Variants in ANKS1B observed in about 807,000 individuals in gnomAD.
ANKS1B encodes the protein ankyrin repeat and sterile alpha motif domain containing 1B.
Under a neutral mutation model 148.3 loss-of-function variants are expected in ANKS1B, and 36 were observed. The ratio of observed to expected loss-of-function variants is 0.24; its 90% CI spans 0.19 to 0.32. The LOEUF (loss-of-function observed/expected upper bound fraction) is 0.32. ANKS1B is among the 10% of genes least tolerant of loss of function. The pLI is 1.00. For missense variants in ANKS1B, 1,157 were observed against 1,542.6 expected (o/e 0.75, Z 4.19); for synonymous variants, 542 against 560.8 (o/e 0.97, Z 0.47).
At chr12:99,879,910 A>T (rs2092369931) in intron 1 of ANKS1B, among the ~76,000 whole-genome samples, 2 of 152,190 alleles carry the variant, frequency 1.3e-5, no homozygotes, top group Admixed American at 1.3e-4. Context: ...CAGATCATGC[A>T]CGACCAGATT....
intron 17 of ANKS1B, among the ~76,000 whole-genome samples, chr12:98,891,405 T>C (rs1256710444): frequency 6.6e-6 from 1 of 152,140 alleles, no homozygotes; most frequent in African/African-American, 2.4e-5. Flanking sequence ...TAATCATATA[T>C]TTGACTTCTA....
chr12:99,937,642 A>G (rs919169899), intron 1 of ANKS1B, among the ~76,000 whole-genome samples: 1 of 152,178 alleles, frequency 6.6e-6, no homozygotes, highest in Non-Finnish European at 1.5e-5. Flanking sequence ...CAAATCTTCA[A>G]ACAGCTATCA....
chr12:99,345,286 A>G (rs2090508673), intron 12 of ANKS1B, among the ~76,000 whole-genome samples: 2 of 152,042 alleles, frequency 1.3e-5, no homozygotes, highest in African/African-American at 4.8e-5. Flanking sequence ...CTTTCTTTGC[A>G]GCCCTCTCTA....
chr12:99,112,201 G>C (rs1209352898), intron 15 of ANKS1B, among the ~76,000 whole-genome samples: 1 of 151,966 alleles, frequency 6.6e-6, no homozygotes, highest in Non-Finnish European at 1.5e-5. Context: ...GAGGCTTCTG[G>C]CATCAGAATC....
chr12:99,612,337 C>G (rs2097909828), intron 9 of ANKS1B, among the ~76,000 whole-genome samples: 1 of 152,128 alleles, frequency 6.6e-6, no homozygotes, highest in Non-Finnish European at 1.5e-5. Context: ...GCTAACACAT[C>G]TAATGCTCAC....
intron 9 of ANKS1B, among the ~76,000 whole-genome samples, chr12:99,624,708 C>T (rs997283672): frequency 2.6e-5 from 4 of 152,186 alleles, no homozygotes; most frequent in Middle Eastern, 3.4e-3. Context: ...AATACTAACT[C>T]ATACCAGTCA....
chr12:99,851,253 C>T (rs184736948), intron 1 of ANKS1B, among the ~76,000 whole-genome samples: 78 of 152,206 alleles, frequency 5.1e-4, no homozygotes, highest in Admixed American at 4.9e-3. Flanking sequence ...AAACTCCTAA[C>T]CAGAACATGT....
intron 10 of ANKS1B, among the ~76,000 whole-genome samples, chr12:99,499,063 A>G (rs1017073081): frequency 6.6e-6 from 1 of 152,204 alleles, no homozygotes; most frequent in Non-Finnish European, 1.5e-5. Flanking sequence ...CCTAACCAGA[A>G]AAGAAGTAAC....
At chr12:99,489,437 T>C (rs1336376370) in intron 10 of ANKS1B, among the ~76,000 whole-genome samples, 1 of 152,210 alleles carries the variant, frequency 6.6e-6, no homozygotes, top group Non-Finnish European at 1.5e-5. Context: ...AACTTTATTC[T>C]ATTTTATAAT....
chr12:99,422,001 T>C lies in ANKS1B; in HGVS notation c.1575+21672A>G, dbSNP rs150534422. Among the ~76,000 whole-genome samples the C allele has an allele frequency of 5.2e-3, 787 of 152,302 alleles. 10 individuals carry two copies. The highest frequency in any genetic ancestry group is 0.018 in the African/African-American group (748 of 41,566). ...CTTCACAACTTCTGCCATGAGTAAA[T>C]GCTCCCTTAGGCCTCCCCAGAAGCC... is the stretch of plus-strand genomic sequence containing the variant. On this transcript the variant is annotated intron_variant, in intron 11 of 26. Transcript: ENST00000683438.
At chr12:99,440,438 G>C (rs58376631) in intron 11 of ANKS1B, among the ~76,000 whole-genome samples, 15,482 of 151,332 alleles carry the variant, frequency 0.1, 1,202 homozygotes, top group East Asian at 0.38. Context: ...AAGTATTTAA[G>C]TACAAGTAAG....
chr12:99,806,593 C>T lies in ANKS1B; in HGVS notation c.480G>A (p.Lys160=). ...CCGCCAAGTCCAAAGGTGTTTCCAG[C>T]TTGCTATTTCTAATTGTCGGGTCAG... ...ELTDPTIRNS[K]LETPLDLAAL... The change falls in exon 4 of 27, where the codon AAG becomes AAA. Residue 160 remains lysine, a synonymous_variant. Transcript: ENST00000683438. 4.3e-6 allele frequency: 7 copies of T among 1,613,988 alleles called. No individual in the cohort carries two copies. The highest frequency in any genetic ancestry group is 5.9e-6 in the Non-Finnish European group (7 of 1,179,884).
chr12:99,968,026 T>C (rs2095509051), intron 1 of ANKS1B, among the ~76,000 whole-genome samples: 1 of 152,070 alleles, frequency 6.6e-6, no homozygotes, highest in Non-Finnish European at 1.5e-5. Context: ...ATGAGACTTC[T>C]GAGTTTGGGG....
intron 19 of ANKS1B, among the ~76,000 whole-genome samples, chr12:98,817,001 A>G (rs568580823): frequency 1.4e-4 from 21 of 152,296 alleles, no homozygotes; most frequent in Admixed American, 7.2e-4. Context: ...CCCTGAAAAA[A>G]AAAAAGAAAA....
At chr12:99,590,275 C>T (rs71462285) in intron 9 of ANKS1B, among the ~76,000 whole-genome samples, 4,599 of 151,340 alleles carry the variant, frequency 0.03, 104 homozygotes, top group Non-Finnish European at 0.048. Flanking sequence ...CACACACACA[C>T]ACACACACAC....
intron 9 of ANKS1B, among the ~76,000 whole-genome samples, chr12:99,542,179 C>G (rs1396811924): frequency 6.6e-6 from 1 of 152,042 alleles, no homozygotes; most frequent in Non-Finnish European, 1.5e-5. Flanking sequence ...AAAGAAGCCA[C>G]AAACTTTATT....
intron 12 of ANKS1B, among the ~76,000 whole-genome samples, chr12:99,352,464 C>A (rs1480678809): frequency 1.3e-5 from 2 of 151,410 alleles, no homozygotes; most frequent in Non-Finnish European, 3.0e-5. Context: ...CAAACGACTT[C>A]AAAAAAAACC....
At chr12:98,809,895 G>T (rs2099081110) in intron 19 of ANKS1B, among the ~76,000 whole-genome samples, 2 of 152,208 alleles carry the variant, frequency 1.3e-5, no homozygotes, top group South Asian at 4.1e-4. Flanking sequence ...TGTTAAAATA[G>T]ACATCATAAG....
At chr12:98,957,257 T>C (rs981489194) in intron 17 of ANKS1B, among the ~76,000 whole-genome samples, 2 of 151,970 alleles carry the variant, frequency 1.3e-5, no homozygotes, top group African/African-American at 2.4e-5. Context: ...GCAGAGTGAG[T>C]GAACCCAATT....
Sources: gnomAD v4.1 joint callset for allele counts (sites outside exome capture counted in the v4.1 genomes callset) on GRCh38, gnomAD v4.1.1 for gene constraint, MANE v1.5 for transcripts, NCBI Gene and HGNC (gene_info 2026-07-23, HGNC 2026-07-21) for gene names.